NRG3: variants seen among roughly 807,000 people sequenced by gnomAD.
NRG3 encodes pro-neuregulin-3, membrane-bound isoform.
In NRG3, 31 loss-of-function variants were observed where a neutral mutation model predicts 66.9. The ratio of observed to expected loss-of-function variants is 0.46; its 90% CI spans 0.35 to 0.63. The LOEUF (loss-of-function observed/expected upper bound fraction) is 0.63, where lower values mean the gene tolerates loss of function less well. Among genes scored for constraint, NRG3 ranks in the 20% least tolerant of loss-of-function variants. The pLI is 0.00. For missense variants in NRG3, 910 were observed against 878.9 expected, an observed-to-expected ratio of 1.04 and a Z score of -0.45; for synonymous variants, 393 against 359.4, an observed-to-expected ratio of 1.09 and a Z score of -1.06.
chr10:82,959,219 G>A, intron 6 of NRG3, 144 bp downstream of exon 6: 1 of 830,638 alleles, frequency 1.2e-6, no homozygotes, highest in Admixed American at 3.6e-5. Context: ...GTTCTGGGCT[G>A]GGACGTATGC....
chr10:82,754,335 C>A (rs180844530), intron 3 of NRG3, among the ~76,000 whole-genome samples: 1 of 151,352 alleles, frequency 6.6e-6, no homozygotes, highest in East Asian at 1.9e-4. Flanking sequence ...AGAGCATACC[C>A]TTCGTTAGCT....
Position 82,931,929 on chromosome 10 carries a change from T to C in NRG3, c.1055-19540T>C, listed in dbSNP as rs567666931. On this transcript the variant is annotated intron_variant, in intron 4 of 8. Transcript: ENST00000372141. ...TTCCTCATACATCGTTTAGCCTCTT[T>C]GAGCTTTTGTTTCTTCATTTGTGAA... is the stretch of plus-strand genomic sequence containing the variant. 3.9e-5 allele frequency among the ~76,000 whole-genome samples: 6 copies of C among 152,324 alleles called. No homozygotes were observed. The South Asian group carries it at 1.2e-3, about 32-fold the overall frequency.
At chr10:81,987,220 G>A (rs1008117802) in intron 1 of NRG3, among the ~76,000 whole-genome samples, 1 of 152,012 alleles carries the variant, frequency 6.6e-6, no homozygotes, top group African/African-American at 2.4e-5. Flanking sequence ...AAGTAGTTGG[G>A]ACTACAGGCG....
chr10:82,726,870 T>C (rs2057631650), intron 2 of NRG3, among the ~76,000 whole-genome samples: 1 of 152,164 alleles, frequency 6.6e-6, no homozygotes, highest in Non-Finnish European at 1.5e-5. Context: ...GATAGTGATA[T>C]GAACAATAAG....
chr10:82,780,029 T>C (rs2060057538), intron 3 of NRG3, among the ~76,000 whole-genome samples: 2 of 152,196 alleles, frequency 1.3e-5, no homozygotes, highest in Non-Finnish European at 2.9e-5. Flanking sequence ...GTTTCATCCA[T>C]GTTCCTGCAA....
chr10:82,593,846 G>A (rs1414899752), intron 2 of NRG3, among the ~76,000 whole-genome samples: 1 of 151,248 alleles, frequency 6.6e-6, no homozygotes, highest in Non-Finnish European at 1.5e-5. Context: ...ATATATATGT[G>A]TATATATATA....
chr10:82,499,935 CT>C (rs780005229), intron 2 of NRG3, among the ~76,000 whole-genome samples: 3 of 152,110 alleles, frequency 2.0e-5, no homozygotes, highest in Non-Finnish European at 4.4e-5. Flanking sequence ...TAGAAAACAT[CT>C]TGTACAAAAC....
chr10:82,938,545 T>C (rs1227975406), intron 4 of NRG3, among the ~76,000 whole-genome samples: 2 of 152,214 alleles, frequency 1.3e-5, no homozygotes, highest in Admixed American at 1.3e-4. Context: ...ACTTTGCTGA[T>C]TATGTTTGTA....
At chr10:81,949,661 G>GA (rs1472995382) in intron 1 of NRG3, among the ~76,000 whole-genome samples, 3 of 151,922 alleles carry the variant, frequency 2.0e-5, no homozygotes, top group Non-Finnish European at 4.4e-5. Flanking sequence ...GGCAATATGT[G>GA]AAAAAAACAC....
intron 1 of NRG3, among the ~76,000 whole-genome samples, chr10:82,083,709 C>T (rs2065537288): frequency 6.6e-6 from 1 of 151,564 alleles, no homozygotes; most frequent in Non-Finnish European, 1.5e-5. Context: ...ATTCTCCTCC[C>T]TCAGCCTCCC....
chr10:82,353,914 T>C (rs1243290719), intron 1 of NRG3, among the ~76,000 whole-genome samples: 1 of 152,114 alleles, frequency 6.6e-6, no homozygotes, highest in Non-Finnish European at 1.5e-5. Context: ...TTTAATGAAA[T>C]TCCATGCTCT....
intron 4 of NRG3, among the ~76,000 whole-genome samples, chr10:82,946,576 T>A (rs1278278955): frequency 2.7e-5 from 4 of 150,394 alleles, no homozygotes. Flanking sequence ...GCAAACAGCA[T>A]GTTTCAAGAC....
chr10:82,649,377 T>C lies in NRG3; in HGVS notation c.954-89200T>C, dbSNP rs144064628. ...AAAGTATCTGCTCTAAGAGGAGCTT[T>C]AGGGGCCTATAAGCCTATCACAAGC... is the stretch of plus-strand genomic sequence containing the variant. On this transcript the variant is annotated intron_variant, in intron 2 of 8. Coordinates refer to ENST00000372141, the MANE Select transcript of NRG3 (RefSeq NM_001010848.4). Among the ~76,000 whole-genome samples the C allele has an allele frequency of 1.6e-4, 24 of 152,158 alleles. No homozygotes were observed. In the East Asian group the frequency reaches 4.1e-3, roughly 26 times the overall value.
At chr10:81,993,263 G>T (rs2060808745) in intron 1 of NRG3, among the ~76,000 whole-genome samples, 1 of 152,262 alleles carries the variant, frequency 6.6e-6, no homozygotes, top group South Asian at 2.1e-4. Context: ...TTTTACAGTT[G>T]TTGAAACTAA....
intron 2 of NRG3, among the ~76,000 whole-genome samples, chr10:82,536,820 G>A (rs1195036651): frequency 1.3e-5 from 2 of 151,722 alleles, no homozygotes; most frequent in Non-Finnish European, 2.9e-5. Flanking sequence ...GGCCTCAAGG[G>A]TTCTTATAGT....
chr10:81,890,808 G>A (rs1842950621), intron 1 of NRG3, among the ~76,000 whole-genome samples: 1 of 152,282 alleles, frequency 6.6e-6, no homozygotes, highest in South Asian at 2.1e-4. Context: ...ATAATGACAG[G>A]AGAGTGTCTA....
intron 3 of NRG3, among the ~76,000 whole-genome samples, chr10:82,824,880 CTAA>C (rs2062126403): frequency 6.6e-6 from 1 of 151,944 alleles, no homozygotes; most frequent in Admixed American, 6.6e-5. Flanking sequence ...CCATGCCCAG[CTAA>C]CTTATTTGCT....
chr10:82,382,199 G>T (rs1359223286), intron 2 of NRG3, among the ~76,000 whole-genome samples: 2 of 151,920 alleles, frequency 1.3e-5, no homozygotes, highest in East Asian at 3.9e-4. Context: ...CAGCCCATGG[G>T]ATCATTACTA....
At chr10:82,766,576 T>G (rs2059520195) in intron 3 of NRG3, among the ~76,000 whole-genome samples, 1 of 152,182 alleles carries the variant, frequency 6.6e-6, no homozygotes, top group African/African-American at 2.4e-5. Flanking sequence ...AGTATAACAT[T>G]GTTTCTCTTA....
Sources: allele counts gnomAD v4.1 joint callset (sites outside exome capture counted in the v4.1 genomes callset), GRCh38; gene constraint gnomAD v4.1.1; transcripts MANE v1.5; gene names NCBI Gene and HGNC (gene_info 2026-07-23, HGNC 2026-07-21).